Variants in RFTN1 observed in about 807,000 individuals in gnomAD.
RFTN1 encodes the protein raftlin.
RFTN1 carries 26 observed loss-of-function variants against 46.5 expected under a neutral mutation model. The observed-to-expected ratio is 0.56, with a 90% confidence interval of 0.41 to 0.78. The LOEUF (loss-of-function observed/expected upper bound fraction) is 0.78. Among genes scored for constraint, RFTN1 ranks in the 30% least tolerant of loss-of-function variants. The pLI is 0.00. For synonymous variants in RFTN1, 261 were observed against 284.2 expected, an observed-to-expected ratio of 0.92 and a Z score of 0.82; for missense variants, 693 against 718.7, an observed-to-expected ratio of 0.96 and a Z score of 0.41.
Position 16,459,707 on chromosome 3 carries a change from C to G in RFTN1, c.146-25670G>C, listed in dbSNP as rs1402078371. ...AATTCTAGTCCATGTGCAGAATTCACTTGCTTAAATAAGCCATCACTTATA... is the reference window on the plus strand; with the variant it reads ...AATTCTAGTCCATGTGCAGAATTCAGTTGCTTAAATAAGCCATCACTTATA... On this transcript the variant is annotated intron_variant, in intron 2 of 9. Transcript: ENST00000334133. The surrounding 1 kb of genome is among the most constrained non-coding windows in gnomAD (Gnocchi z 4.2). 6.6e-6 allele frequency among the ~76,000 whole-genome samples: 1 copy of G among 152,076 alleles called. No homozygotes were observed. Among genetic ancestry groups the G allele is most frequent in the Non-Finnish European group, 1.5e-5 (1 of 68,026 alleles).
chr3:16,369,918 A>G (rs957833400), intron 6 of RFTN1, among the ~76,000 whole-genome samples, 158 bp downstream of exon 6: 2 of 152,340 alleles, frequency 1.3e-5, no homozygotes, highest in East Asian at 3.9e-4. Flanking sequence ...GGCTTTATGG[A>G]AAGTTCCTCA....
intron 3 of RFTN1, among the ~76,000 whole-genome samples, chr3:16,417,892 G>C (rs1265468823): frequency 6.6e-6 from 1 of 152,110 alleles, no homozygotes; most frequent in African/African-American, 2.4e-5. Flanking sequence ...ATTTTTTATA[G>C]AGACAGGGTT....
chr3:16,379,249 C>T (rs2073897456), intron 4 of RFTN1, among the ~76,000 whole-genome samples: 1 of 152,244 alleles, frequency 6.6e-6, no homozygotes, highest in East Asian at 1.9e-4. Context: ...AAGAACCACC[C>T]TGACATTAAA....
chr3:16,417,295 C>T (rs755623180), intron 3 of RFTN1, among the ~76,000 whole-genome samples: 60 of 152,144 alleles, frequency 3.9e-4, no homozygotes, highest in African/African-American at 7.7e-4. Context: ...CCACCGCACC[C>T]GGCCTCCAGA....
chr3:16,424,404 C>T lies in RFTN1; in HGVS notation c.332+9447G>A, dbSNP rs1335529003. Among the ~76,000 whole-genome samples, 1 of 152,168 alleles carries T rather than the reference C, an allele frequency of 6.6e-6. No homozygotes were observed. The highest frequency in any genetic ancestry group is 1.5e-5 in the Non-Finnish European group (1 of 68,026). On this transcript the variant is annotated intron_variant, in intron 3 of 9. Coordinates refer to ENST00000334133, the MANE Select transcript of RFTN1 (RefSeq NM_015150.2). This position sits in a 1 kb window ranked among gnomAD's most constrained non-coding sequence, Gnocchi z 4.7. ...AAACAGTGTATGTCTAAAACCTCTGCTGAAAGCACAGTAATGTTTTCGACA... is the reference window on the plus strand; with the variant it reads ...AAACAGTGTATGTCTAAAACCTCTGTTGAAAGCACAGTAATGTTTTCGACA...
chr3:16,414,401 G>A lies in RFTN1; in HGVS notation c.333-4918C>T, dbSNP rs573450274. ...GTGGGAGGATCACCTGAGGTCAGGG[G>A]TTCGAGACCAGCCTGGCCAACATGG... On this transcript the variant is annotated intron_variant, in intron 3 of 9. Coordinates refer to ENST00000334133, the MANE Select transcript of RFTN1 (RefSeq NM_015150.2). Among the ~76,000 whole-genome samples, 3 of 152,104 alleles carry A rather than the reference G, an allele frequency of 2.0e-5. No homozygotes were observed. In the East Asian group the frequency reaches 5.8e-4, roughly 29 times the overall value.
At chr3:16,366,297 C>A (rs1229042715) in intron 6 of RFTN1, among the ~76,000 whole-genome samples, 3 of 152,108 alleles carry the variant, frequency 2.0e-5, no homozygotes, top group African/African-American at 4.8e-5. Context: ...ACCCCAAACT[C>A]CTGGCTCCCA....
At chr3:16,432,289 G>A (rs1391829674) in intron 3 of RFTN1, among the ~76,000 whole-genome samples, 4 of 152,114 alleles carry the variant, frequency 2.6e-5, no homozygotes, top group African/African-American at 7.2e-5. Flanking sequence ...AGGCCTATGT[G>A]GGAAACTCTC....
At position 16,507,824 on chromosome 3, in the gene RFTN1, T is replaced by C. The variant is rs79471205; in HGVS notation, c.-9+5618A>G. Among the ~76,000 whole-genome samples, 289 of 53,306 alleles carry C rather than the reference T, an allele frequency of 5.4e-3. No homozygotes were observed. The highest frequency in any genetic ancestry group is 6.1e-3 in the Non-Finnish European group (161 of 26,342). 35.0% of individuals were successfully genotyped at this position (53,306 alleles called of 152,430 possible). A position where few individuals can be genotyped will look rare whatever the true frequency, so the allele number is the denominator to read the frequency against. On this transcript the variant is annotated intron_variant, in intron 1 of 9. Transcript: ENST00000334133. This position sits in a 1 kb window ranked among gnomAD's most constrained non-coding sequence, Gnocchi z 7.1. Reference sequence around the variant, plus strand: ...ACACAAACGCACATACATACATACATACACACACACACACATACACACATA... The same window carrying C: ...ACACAAACGCACATACATACATACACACACACACACACACATACACACATA...
At position 16,428,956 on chromosome 3, in the gene RFTN1, T is replaced by C. The variant is rs2075335441; in HGVS notation, c.332+4895A>G. Among the ~76,000 whole-genome samples the C allele has an allele frequency of 6.6e-6, 1 of 152,210 alleles. No individual in the cohort carries two copies. The highest frequency in any genetic ancestry group is 1.5e-5 in the Non-Finnish European group (1 of 68,036). ...TTAGAATTCAGAGTGAGTGCAACTA[T>C]ATTGTCTATTAAAAATCACTAAGTG... On this transcript the variant is annotated intron_variant, in intron 3 of 9. Transcript: ENST00000334133. This position sits in a 1 kb window ranked among gnomAD's most constrained non-coding sequence, Gnocchi z 4.7.
rs897310229 is a variant in RFTN1, at chr3:16,382,674, C to T, written c.442-4572G>A. ...GGGTCCACTGTTGATCTGGTCTCAC[C>T]AGCTGGAATCACAGTATCTTCTTCC... On this transcript the variant is annotated intron_variant, in intron 4 of 9. Transcript: ENST00000334133. This position sits in a 1 kb window ranked among gnomAD's most constrained non-coding sequence, Gnocchi z 4.7. Among the ~76,000 whole-genome samples the T allele has an allele frequency of 6.6e-6, 1 of 152,208 alleles. No homozygotes were observed. The highest frequency in any genetic ancestry group is 1.5e-5 in the Non-Finnish European group (1 of 68,044).
intron 6 of RFTN1, among the ~76,000 whole-genome samples, chr3:16,368,019 G>C (rs2073304405): frequency 6.6e-6 from 1 of 152,044 alleles, no homozygotes. Context: ...GTTTCCTAGG[G>C]AGGAATGTAA....
intron 7 of RFTN1, among the ~76,000 whole-genome samples, chr3:16,350,659 G>A (rs1405229326): frequency 6.6e-6 from 1 of 152,194 alleles, no homozygotes; most frequent in East Asian, 1.9e-4. Context: ...TTACTCACCT[G>A]TGCTATGATT....
chr3:16,358,059 G>T lies in RFTN1; in HGVS notation c.1031-12C>A. On this transcript the variant is annotated splice_polypyrimidine_tract_variant and intron_variant, in intron 6 of 9. Coordinates refer to ENST00000334133, the MANE Select transcript of RFTN1 (RefSeq NM_015150.2). ...GCCATGTAAGGAATCTGTGGAAAAA[G>T]AAAAAGGCGGGGGTGGGGGGGGTCT... 58 of 422,426 alleles carry T rather than the reference G, an allele frequency of 1.4e-4. No individual in the cohort carries two copies. Among genetic ancestry groups the T allele is most frequent in the Non-Finnish European group, 2.2e-4 (54 of 241,838 alleles). 26.2% of individuals were successfully genotyped at this position (422,426 alleles called of 1,614,324 possible).
intron 3 of RFTN1, among the ~76,000 whole-genome samples, chr3:16,419,250 C>T (rs760356386): frequency 4.9e-4 from 74 of 152,130 alleles, no homozygotes; most frequent in Non-Finnish European, 7.8e-4. Flanking sequence ...TGACTGTGGG[C>T]TCTGCAGTGA....
intron 4 of RFTN1, among the ~76,000 whole-genome samples, chr3:16,409,073 A>T (rs2074926679): frequency 6.6e-6 from 1 of 152,196 alleles, no homozygotes; most frequent in African/African-American, 2.4e-5. Flanking sequence ...GGGAAGTCAC[A>T]TTACCATGAG....
intron 6 of RFTN1, among the ~76,000 whole-genome samples, chr3:16,367,126 T>C (rs879907971): frequency 6.9e-6 from 1 of 144,362 alleles, no homozygotes; most frequent in East Asian, 2.1e-4. Flanking sequence ...CTGTGGAAAA[T>C]ATTTTGGAGT....
chr3:16,456,986 T>C (rs1365923725), intron 2 of RFTN1, among the ~76,000 whole-genome samples: 2 of 152,256 alleles, frequency 1.3e-5, no homozygotes, highest in African/African-American at 4.8e-5. Context: ...ACTCTGTGTA[T>C]TATGTGTCAA....
chr3:16,422,831 A>G lies in RFTN1; in HGVS notation c.332+11020T>C, dbSNP rs1476377739. Among the ~76,000 whole-genome samples the G allele has an allele frequency of 6.6e-6, 1 of 152,178 alleles. No homozygotes were observed. The highest frequency in any genetic ancestry group is 1.5e-5 in the Non-Finnish European group (1 of 68,032). On this transcript the variant is annotated intron_variant, in intron 3 of 9. Coordinates refer to ENST00000334133, the MANE Select transcript of RFTN1 (RefSeq NM_015150.2). This position sits in a 1 kb window ranked among gnomAD's most constrained non-coding sequence, Gnocchi z 4.6. ...TCAATGGCAAAGTTAGGTTAACTTAATAAGTGCTCTTGGCAAAGGTGGCTA... is the reference window on the plus strand; with the variant it reads ...TCAATGGCAAAGTTAGGTTAACTTAGTAAGTGCTCTTGGCAAAGGTGGCTA...
Sources: allele counts gnomAD v4.1 joint callset (sites outside exome capture counted in the v4.1 genomes callset), GRCh38; gene constraint gnomAD v4.1.1; non-coding constraint Gnocchi (gnomAD v3.1); transcripts MANE v1.5; gene names NCBI Gene and HGNC (gene_info 2026-07-23, HGNC 2026-07-21).